HEPACAM: variants seen among roughly 807,000 people sequenced by gnomAD.
HEPACAM encodes the protein hepatocyte cell adhesion molecule.
In HEPACAM, 18 loss-of-function variants were observed where a neutral mutation model predicts 38.3. The ratio of observed to expected loss-of-function variants is 0.47; its 90% confidence interval spans 0.33 to 0.70. The LOEUF is 0.70. Ranked by LOEUF, HEPACAM falls within the 30% of genes least tolerant of loss-of-function variation. The probability of loss-of-function intolerance (pLI) is 0.03; values close to 1 mark genes in which losing one functional copy is unlikely to be tolerated. For missense variants in HEPACAM, 466 were observed against 563.0 expected, an observed-to-expected ratio of 0.83 and a Z score of 1.74; for synonymous variants, 216 against 243.1, an observed-to-expected ratio of 0.89 and a Z score of 1.04.
intron 1 of HEPACAM, among the ~76,000 whole-genome samples, chr11:124,935,271 G>A (rs1269146143): frequency 1.3e-5 from 2 of 151,978 alleles, no homozygotes; most frequent in Non-Finnish European, 2.9e-5. Flanking sequence ...ACATCTGTTT[G>A]CCTCACTAAG....
At position 124,920,376 on chromosome 11, in the gene HEPACAM, CAG is replaced by C; in HGVS notation, c.*760_*761del. On this transcript the variant is annotated 3_prime_UTR_variant, in exon 7 of 7. Coordinates refer to ENST00000298251, the MANE Select transcript of HEPACAM (RefSeq NM_152722.5). ...CCCATCCATCTCTTTTATTCATGAA[CAG>C]AGACAGAAAGAGTGCTTGGCATGGC... is the stretch of plus-strand genomic sequence containing the variant. 6.5e-7 allele frequency: 1 copy of C among 1,543,116 alleles called. No homozygotes were observed. The highest frequency in any genetic ancestry group is 2.4e-5 in the East Asian group (1 of 40,836).
In HEPACAM at chr11:124,921,055, C is replaced by A; in HGVS notation, c.*83G>T. ...GGACCTCCCCTCGTCCCCAGCGCGC[C>A]GCGCCCGGGCTTCCCAGCCCCAGCT... On this transcript the variant is annotated 3_prime_UTR_variant, in exon 7 of 7. Transcript: ENST00000298251. This position sits in a 1 kb window ranked among gnomAD's most constrained non-coding sequence, Gnocchi z 4.6. 1 of 1,462,160 alleles carries A rather than the reference C, an allele frequency of 6.8e-7. No individual in the cohort carries two copies. The highest frequency in any genetic ancestry group is 9.0e-7 in the Non-Finnish European group (1 of 1,110,642). The allele number at this position is 1,462,160 out of a possible 1,614,324, so 90.6% of individuals were successfully genotyped here.
At position 124,921,856 on chromosome 11, in the gene HEPACAM, C is replaced by T. The variant is rs1467282595; in HGVS notation, c.949-416G>A. On this transcript the variant is annotated intron_variant, in intron 6 of 6. Coordinates refer to ENST00000298251, the MANE Select transcript of HEPACAM (RefSeq NM_152722.5). The surrounding 1 kb of genome is among the most constrained non-coding windows in gnomAD (Gnocchi z 4.6). ...ATCTCACAGCCTTGTTTTTTCTAAT[C>T]TCTAAAATGTGCATGACACAAATAT... Among the ~76,000 whole-genome samples, 1 of 152,114 alleles carries T rather than the reference C, an allele frequency of 6.6e-6. No homozygotes were observed. The highest frequency in any genetic ancestry group is 1.5e-5 in the Non-Finnish European group (1 of 68,020).
rs906016974 is a variant in HEPACAM at position 124,922,734 on chromosome 11, T to C, written c.877+11A>G. ...TTGATGGGATGGGTGATTGGGTGGC[T>C]GGGAGCTCACCTTCTGGTTTCAGGC... is the stretch of plus-strand genomic sequence containing the variant. On this transcript the variant is annotated intron_variant, in intron 5 of 6. Coordinates refer to ENST00000298251, the MANE Select transcript of HEPACAM (RefSeq NM_152722.5). 2 of 1,614,190 alleles carry C rather than the reference T, an allele frequency of 1.2e-6. No individual in the cohort carries two copies. Among genetic ancestry groups the C allele is most frequent in the African/African-American group, 1.3e-5 (1 of 75,062 alleles).
Position 124,920,070 on chromosome 11 carries a change from G to C in HEPACAM, c.*1068C>G. The C allele has an allele frequency of 1.3e-6, 2 of 1,564,994 alleles. No homozygotes were observed. The highest frequency in any genetic ancestry group is 2.4e-5 in the South Asian group (2 of 84,550). ...CTGGGACCTGAGCATGTGGGAGCAGGGCAGATGGGTGGCAGGAGGCCAGGG... is the reference window on the plus strand; with the variant it reads ...CTGGGACCTGAGCATGTGGGAGCAGCGCAGATGGGTGGCAGGAGGCCAGGG... On this transcript the variant is annotated 3_prime_UTR_variant, in exon 7 of 7. Coordinates refer to ENST00000298251, the MANE Select transcript of HEPACAM (RefSeq NM_152722.5).
chr11:124,926,509 G>A (rs889913337), intron 1 of HEPACAM, among the ~76,000 whole-genome samples: 16 of 152,272 alleles, frequency 1.1e-4, no homozygotes, highest in African/African-American at 3.8e-4. Context: ...CCTCTTAGGA[G>A]CTTTGGGATC....
At chr11:124,930,064 T>C (rs1267246935) in intron 1 of HEPACAM, among the ~76,000 whole-genome samples, 1 of 152,168 alleles carries the variant, frequency 6.6e-6, no homozygotes, top group African/African-American at 2.4e-5. Flanking sequence ...TCTGTCACCA[T>C]AAAAAAGTCT....
At chr11:124,929,936 G>A (rs1947262829) in intron 1 of HEPACAM, among the ~76,000 whole-genome samples, 1 of 152,006 alleles carries the variant, frequency 6.6e-6, no homozygotes, top group South Asian at 2.1e-4. Flanking sequence ...GTGTCAATGG[G>A]GGTAGTGCCA....
intron 1 of HEPACAM, among the ~76,000 whole-genome samples, chr11:124,935,536 C>T (rs2135409758): frequency 6.6e-6 from 1 of 152,148 alleles, no homozygotes; most frequent in East Asian, 1.9e-4. Flanking sequence ...GAGTCGGGGG[C>T]TGGGGAGGTA....
intron 3 of HEPACAM, 130 bp downstream of exon 3, chr11:124,923,599 C>T: frequency 2.4e-6 from 3 of 1,247,800 alleles, no homozygotes; most frequent in Non-Finnish European, 3.5e-6. Flanking sequence ...TGTTGGTGTC[C>T]TCCATGGATA....
In HEPACAM at chr11:124,920,766, C is replaced by A; in HGVS notation, c.*372G>T. 9.5e-7 allele frequency: 1 copy of A among 1,051,038 alleles called. No homozygotes were observed. The highest frequency in any genetic ancestry group is 1.1e-6 in the Non-Finnish European group (1 of 874,446). 65.1% of individuals were successfully genotyped at this position (1,051,038 alleles called of 1,614,324 possible). ...GAAGGGTGGTGGGTGGGAAACAACA[C>A]AGCTCCCTAGGAAGAGCACAGGATA... On this transcript the variant is annotated 3_prime_UTR_variant, in exon 7 of 7. Transcript: ENST00000298251.
Position 124,920,800 on chromosome 11 carries a change from G to T in HEPACAM, c.*338C>A, listed in dbSNP as rs75988347. ...AGGAAGAGCACAGGATAGTCACGGG[G>T]GTTAGGTTACTGATGTTAGTTTCCA... is the stretch of plus-strand genomic sequence containing the variant. On this transcript the variant is annotated 3_prime_UTR_variant, in exon 7 of 7. Transcript: ENST00000298251. 0.087 allele frequency: 97,641 copies of T among 1,120,826 alleles called. 4,677 individuals carry two copies. Among genetic ancestry groups the T allele is most frequent in the Non-Finnish European group, 0.095 (87,528 of 916,608 alleles). The allele number at this position is 1,120,826 out of a possible 1,614,324, so 69.4% of individuals were successfully genotyped here. A position where few individuals can be genotyped will look rare whatever the true frequency, so the allele number is the denominator to read the frequency against.
chr11:124,923,542 C>T, intron 3 of HEPACAM, 109 bp from the exon 4 acceptor site: 1 of 1,111,106 alleles, frequency 9.0e-7, no homozygotes, highest in Non-Finnish European at 1.4e-6. Flanking sequence ...AGGCTGCATG[C>T]CTGGCTGATG....
chr11:124,921,197 C>T lies in HEPACAM; in HGVS notation c.1192G>A (p.Ala398Thr). 1 of 1,515,740 alleles carries T rather than the reference C, an allele frequency of 6.6e-7. No homozygotes were observed. Among genetic ancestry groups the T allele is most frequent in the Non-Finnish European group, 8.8e-7 (1 of 1,139,006 alleles). 93.9% of individuals were successfully genotyped at this position (1,515,740 alleles called of 1,614,324 possible). A position where few individuals can be genotyped will look rare whatever the true frequency, so the allele number is the denominator to read the frequency against. ...SRSASRTLRT[A>T]GVHIIREQDE... ...TGCTCGCGGATTATGTGCACGCCCGCAGTCCGCAGTGTGCGCGAGGCGCTG... is the reference window on the plus strand; with the variant it reads ...TGCTCGCGGATTATGTGCACGCCCGTAGTCCGCAGTGTGCGCGAGGCGCTG... The change falls in exon 7 of 7, where the codon GCG becomes ACG. Residue 398 changes from alanine to threonine, a missense_variant. Ala to Thr is a moderately conservative substitution (Grantham distance 58). Transcript: ENST00000298251. The surrounding 1 kb of genome is among the most constrained non-coding windows in gnomAD (Gnocchi z 4.6).
At chr11:124,927,510 G>GTTTTTTT (rs763291809) in intron 1 of HEPACAM, among the ~76,000 whole-genome samples, 21 of 99,198 alleles carry the variant, frequency 2.1e-4, no homozygotes, top group South Asian at 4.0e-4. Context: ...GCCCAGCTAG[G>GTTTTTTT]TTTTTTTTTT....
At chr11:124,929,872 T>G (rs1381494311) in intron 1 of HEPACAM, among the ~76,000 whole-genome samples, 1 of 152,214 alleles carries the variant, frequency 6.6e-6, no homozygotes, top group East Asian at 1.9e-4. Flanking sequence ...GTGCTCCCTT[T>G]GCTGGGCCAA....
intron 1 of HEPACAM, among the ~76,000 whole-genome samples, chr11:124,930,690 C>G (rs1266118331): frequency 6.6e-6 from 1 of 152,166 alleles, no homozygotes; most frequent in Non-Finnish European, 1.5e-5. Flanking sequence ...AATAGATCAA[C>G]AGAAAGTCTG....
intron 1 of HEPACAM, among the ~76,000 whole-genome samples, chr11:124,934,046 A>G (rs1015081535): frequency 6.6e-6 from 1 of 152,150 alleles, no homozygotes; most frequent in Non-Finnish European, 1.5e-5. Context: ...CGGCTGCCAA[A>G]TACCTCTCTC....
At position 124,920,226 on chromosome 11, in the gene HEPACAM, T is replaced by G. The variant is rs1591545926; in HGVS notation, c.*912A>C. 2 of 871,696 alleles carry G rather than the reference T, an allele frequency of 2.3e-6. No homozygotes were observed. 54.0% of individuals were successfully genotyped at this position (871,696 alleles called of 1,614,324 possible). ...AACTTTCCTGAGGACAATGATTGTT[T>G]GAAAGGCTTGTTTTGTAAGGAAGCC... On this transcript the variant is annotated 3_prime_UTR_variant, in exon 7 of 7. Transcript: ENST00000298251.
Sources: gnomAD v4.1 joint callset for allele counts (sites outside exome capture counted in the v4.1 genomes callset) on GRCh38, gnomAD v4.1.1 for gene constraint, Gnocchi (gnomAD v3.1) non-coding constraint, MANE v1.5 for transcripts, NCBI Gene and HGNC (gene_info 2026-07-23, HGNC 2026-07-21) for gene names.